The following SMARCA4 variants were observed in gnomAD, a reference collection of about 807,000 sequenced individuals.
SMARCA4 encodes SWI/SNF related BAF chromatin remodeling complex subunit ATPase 4.
Under a neutral mutation model 193.9 loss-of-function variants are expected in SMARCA4, and 31 were observed. The ratio of observed to expected loss-of-function variants is 0.16; its 90% CI spans 0.12 to 0.22. The LOEUF (loss-of-function observed/expected upper bound fraction) is 0.22. Among genes scored for constraint, SMARCA4 ranks in the 10% least tolerant of loss-of-function variants. The probability of loss-of-function intolerance (pLI) is 1.00; values close to 1 mark genes in which losing one functional copy is unlikely to be tolerated. For missense variants in SMARCA4, 1,148 were observed against 2,296.0 expected, an observed-to-expected ratio of 0.50 and a Z score of 10.22; for synonymous variants, 942 against 933.1, an observed-to-expected ratio of 1.01 and a Z score of -0.17.
chr19:10,983,592 G>A (rs1179562507), intron 1 of SMARCA4: 1 of 164,538 alleles, frequency 6.1e-6, no homozygotes, highest in Non-Finnish European at 1.3e-5. Context: ...GTGCCACCAT[G>A]TCCAGCTGAT....
chr19:11,054,315 G>C (rs894946802), intron 30 of SMARCA4, among the ~76,000 whole-genome samples: 2 of 152,226 alleles, frequency 1.3e-5, no homozygotes, highest in African/African-American at 4.8e-5. Context: ...TGGCTGGTGT[G>C]TGCCCACCTC....
At chr19:11,022,860 A>T (rs1418605908) in intron 19 of SMARCA4, among the ~76,000 whole-genome samples, 1 of 152,202 alleles carries the variant, frequency 6.6e-6, no homozygotes, top group Non-Finnish European at 1.5e-5. Context: ...AAGGGCCAGG[A>T]TCTGATGCTA....
chr19:10,975,935 C>T (rs561513270), intron 1 of SMARCA4, among the ~76,000 whole-genome samples: 11 of 152,310 alleles, frequency 7.2e-5, no homozygotes, highest in South Asian at 4.1e-4. Flanking sequence ...GGCTTCCACA[C>T]GCTGTACTAA....
chr19:10,975,485 T>C (rs1026185823), intron 1 of SMARCA4, among the ~76,000 whole-genome samples: 1 of 151,490 alleles, frequency 6.6e-6, no homozygotes, highest in Non-Finnish European at 1.5e-5. Context: ...CTAATTTTTG[T>C]ATTTTAGTAG....
At chr19:10,989,772 G>A (rs1405268100) in intron 7 of SMARCA4, among the ~76,000 whole-genome samples, 1 of 145,890 alleles carries the variant, frequency 6.9e-6, no homozygotes. Context: ...CATAAACTCT[G>A]CTCACTGCAA....
At chr19:10,979,497 G>A (rs2085395396) in intron 1 of SMARCA4, among the ~76,000 whole-genome samples, 1 of 147,850 alleles carries the variant, frequency 6.8e-6, no homozygotes. Flanking sequence ...GGCTCAAACA[G>A]TTCTCCCTAC....
chr19:11,049,483 G>GTTTTT lies in SMARCA4; in HGVS notation c.4424+7924_4424+7925insTTTTT, dbSNP rs1252732386. ...GTTGATACCTTCTTCCCTGGGTTCT[G>GTTTTT]TGTTTTTTTTTTTTTTTTTGAGACA... On this transcript the variant is annotated intron_variant, in intron 30 of 34. Coordinates refer to ENST00000344626, the MANE Select transcript of SMARCA4 (RefSeq NM_003072.5). Among the ~76,000 whole-genome samples the GTTTTT allele has an allele frequency of 2.1e-5, 3 of 140,010 alleles. 1 individual carries two copies. The allele number at this position is 140,010 out of a possible 152,430, so 91.9% of individuals were successfully genotyped here. A position where few individuals can be genotyped will look rare whatever the true frequency, so the allele number is the denominator to read the frequency against.
rs199573401 is a variant in SMARCA4, at chr19:10,987,668, C to T, written c.862C>T (p.Pro288Ser). The T allele has an allele frequency of 1.3e-5, 21 of 1,613,078 alleles. No homozygotes were observed. The highest frequency in any genetic ancestry group is 1.6e-5 in the Non-Finnish European group (19 of 1,179,778). ...CCTGGCCCCTTGCCTTCTCCCAGGA[C>T]CCATGGCGAATGCTGCTGCCCCCAC... ...GGPPKPWPEG[P>S]MANAAAPTST... The change falls in exon 6 of 35, where the codon CCC (proline) becomes TCC (serine). Residue 288 changes from proline to serine, a missense_variant and splice_region_variant. By Grantham distance (74) the Pro-to-Ser change is moderately conservative. Coordinates refer to ENST00000344626, the MANE Select transcript of SMARCA4 (RefSeq NM_003072.5). The surrounding 1 kb of genome is among the most constrained non-coding windows in gnomAD (Gnocchi z 5.3).
At chr19:11,002,674 A>C (rs538107309) in intron 11 of SMARCA4, among the ~76,000 whole-genome samples, 3 of 151,924 alleles carry the variant, frequency 2.0e-5, no homozygotes, top group South Asian at 4.2e-4. Context: ...GTTACCTTAA[A>C]GAAACAGGTG....
At position 11,062,036 on chromosome 19, in the gene SMARCA4, AAGAG is replaced by A. The variant is rs888359387; in HGVS notation, c.*232_*235del. 6.2e-5 allele frequency: 37 copies of A among 595,206 alleles called. No homozygotes were observed. Among genetic ancestry groups the A allele is most frequent in the Admixed American group, 3.1e-4 (11 of 35,578 alleles). The allele number at this position is 595,206 out of a possible 1,614,324, so 36.9% of individuals were successfully genotyped here. On this transcript the variant is annotated 3_prime_UTR_variant, in exon 35 of 35. Transcript: ENST00000344626. ...ATCTGTAACAGCATTAACTGTCTTA[AAGAG>A]AGAGAGAGAGAATTCCGAATTGGGG...
At position 11,042,837 on chromosome 19, in the gene SMARCA4, A is replaced by G. The variant is rs532869185; in HGVS notation, c.4424+1277A>G. Among the ~76,000 whole-genome samples the G allele has an allele frequency of 9.3e-4, 142 of 151,976 alleles. 1 individual carries two copies. Among genetic ancestry groups the G allele is most frequent in the African/African-American group, 3.3e-3 (138 of 41,404 alleles). On this transcript the variant is annotated intron_variant, in intron 30 of 34. Transcript: ENST00000344626. ...ACCCATCTTTACTGAAAATAGGAAAACAATTACCTGGGCGTGGTGGCACGC... is the reference window on the plus strand; with the variant it reads ...ACCCATCTTTACTGAAAATAGGAAAGCAATTACCTGGGCGTGGTGGCACGC...
intron 11 of SMARCA4, among the ~76,000 whole-genome samples, chr19:11,000,001 G>A (rs1200824739): frequency 2.0e-5 from 3 of 151,884 alleles, no homozygotes; most frequent in Non-Finnish European, 2.9e-5. Context: ...CAAGGTGGGC[G>A]GATCACCTAA....
chr19:11,023,304 C>A (rs1169986593), intron 19 of SMARCA4, among the ~76,000 whole-genome samples: 1 of 152,212 alleles, frequency 6.6e-6, no homozygotes, highest in Non-Finnish European at 1.5e-5. Flanking sequence ...CCAGGAATTA[C>A]ATGGAGGGAA....
chr19:11,002,833 T>C (rs896672546), intron 11 of SMARCA4, among the ~76,000 whole-genome samples, 196 bp from the exon 12 acceptor site: 1 of 147,756 alleles, frequency 6.8e-6, no homozygotes, highest in African/African-American at 2.5e-5. Flanking sequence ...AAGAAACAAG[T>C]GTCAGCCAAG....
At chr19:11,012,926 C>A in intron 15 of SMARCA4, 23 bp from the exon 16 acceptor site, 1 of 1,613,624 alleles carries the variant, frequency 6.2e-7, no homozygotes, top group South Asian at 1.1e-5. Context: ...TCAGTCCTGG[C>A]GTGGCCGCAT....
At chr19:10,998,113 C>G (rs888349544) in intron 11 of SMARCA4, among the ~76,000 whole-genome samples, 1 of 152,116 alleles carries the variant, frequency 6.6e-6, no homozygotes, top group Non-Finnish European at 1.5e-5. Flanking sequence ...TCTTGAACTC[C>G]TGGGCTCAAG....
At chr19:10,978,780 A>AAT (rs113134927) in intron 1 of SMARCA4, among the ~76,000 whole-genome samples, 2,946 of 148,182 alleles carry the variant, frequency 0.02, 39 homozygotes, top group Middle Eastern at 0.041. Context: ...AAATACAAAA[A>AAT]ATATATATAT....
chr19:11,040,999 T>G, intron 29 of SMARCA4: 3 of 336,380 alleles, frequency 8.9e-6, no homozygotes, highest in Non-Finnish European at 1.6e-5. Context: ...GGTGAAGGGA[T>G]TTCAGGAGCA....
chr19:10,995,241 C>T (rs1387562642), intron 9 of SMARCA4: 2 of 649,738 alleles, frequency 3.1e-6, no homozygotes, highest in Admixed American at 4.2e-5. Flanking sequence ...TCTGCCTTCT[C>T]TGGAAAATGG....
Sources: gnomAD v4.1 joint callset for allele counts (sites outside exome capture counted in the v4.1 genomes callset) on GRCh38, gnomAD v4.1.1 for gene constraint, Gnocchi (gnomAD v3.1) non-coding constraint, MANE v1.5 for transcripts, NCBI Gene and HGNC (gene_info 2026-07-23, HGNC 2026-07-21) for gene names.